Variants in TDRD3 observed in about 807,000 individuals in gnomAD.
The protein encoded by TDRD3 is tudor domain-containing protein 3.
A neutral mutation model predicts 86.7 loss-of-function variants in TDRD3; 45 were observed. The observed-to-expected ratio is 0.52, with a 90% CI of 0.41 to 0.67. The LOEUF (loss-of-function observed/expected upper bound fraction) is 0.67. Ranked by LOEUF, TDRD3 falls within the 30% of genes least tolerant of loss-of-function variation. TDRD3 has a pLI of 0.00. For synonymous variants in TDRD3, 298 were observed against 301.7 expected (o/e 0.99, Z 0.13); for missense variants, 814 against 889.0 (o/e 0.92, Z 1.07).
chr13:60,509,351 A>T (rs1957007223), intron 8 of TDRD3, among the ~76,000 whole-genome samples: 1 of 152,130 alleles, frequency 6.6e-6, no homozygotes, highest in Admixed American at 6.5e-5. Flanking sequence ...TGTTAGCTTC[A>T]ATAGTTTACA....
chr13:60,506,399 A>G (rs1167239536), intron 8 of TDRD3, among the ~76,000 whole-genome samples: 5 of 152,196 alleles, frequency 3.3e-5, no homozygotes, highest in Non-Finnish European at 7.3e-5. Flanking sequence ...AGCACTATAT[A>G]TGGAAAGGAG....
intron 1 of TDRD3, among the ~76,000 whole-genome samples, chr13:60,431,792 T>C (rs1297081897): frequency 6.7e-6 from 1 of 150,080 alleles, no homozygotes; most frequent in African/African-American, 2.4e-5. Context: ...AAATAATGCA[T>C]ATTAATAGAT....
intron 8 of TDRD3, among the ~76,000 whole-genome samples, chr13:60,502,900 C>T (rs1052825334): frequency 5.3e-5 from 8 of 152,138 alleles, no homozygotes; most frequent in Non-Finnish European, 7.4e-5. Context: ...AAAATGGATT[C>T]TTATTGAACT....
chr13:60,465,902 G>A (rs1055121913), intron 4 of TDRD3, among the ~76,000 whole-genome samples: 3 of 152,100 alleles, frequency 2.0e-5, no homozygotes, highest in Non-Finnish European at 2.9e-5. Context: ...ATGGGGTGGG[G>A]CTTGGTGTGT....
intron 13 of TDRD3, among the ~76,000 whole-genome samples, chr13:60,569,870 A>G (rs556441289): frequency 6.6e-6 from 1 of 152,336 alleles, no homozygotes; most frequent in Non-Finnish European, 1.5e-5. Flanking sequence ...ATATCCGTAT[A>G]TGGATGAATG....
At chr13:60,435,740 T>G (rs1023089873) in intron 1 of TDRD3, among the ~76,000 whole-genome samples, 1 of 152,178 alleles carries the variant, frequency 6.6e-6, no homozygotes, top group Non-Finnish European at 1.5e-5. Flanking sequence ...CGTGTGTGCA[T>G]GTGTCTTTTC....
At chr13:60,463,105 A>G (rs569308375) in intron 4 of TDRD3, among the ~76,000 whole-genome samples, 5 of 152,122 alleles carry the variant, frequency 3.3e-5, no homozygotes, top group Admixed American at 6.5e-5. Context: ...ACAAAAATCA[A>G]CCTAAATGTG....
chr13:60,406,451 T>G (rs975150158), intron 1 of TDRD3, among the ~76,000 whole-genome samples: 5 of 152,222 alleles, frequency 3.3e-5, no homozygotes, highest in African/African-American at 1.2e-4. Context: ...TTAAATTAAT[T>G]TCACCTGTTT....
At chr13:60,548,860 T>C (rs1373673823) in intron 12 of TDRD3, among the ~76,000 whole-genome samples, 3 of 152,150 alleles carry the variant, frequency 2.0e-5, no homozygotes, top group African/African-American at 7.2e-5. Flanking sequence ...TCATAACTTT[T>C]AAACCAGTAA....
chr13:60,454,042 G>C (rs947456232), intron 3 of TDRD3, among the ~76,000 whole-genome samples: 1 of 151,806 alleles, frequency 6.6e-6, no homozygotes, highest in Non-Finnish European at 1.5e-5. Context: ...AGGTATAAAG[G>C]TTTTATACAT....
intron 10 of TDRD3, among the ~76,000 whole-genome samples, chr13:60,527,093 C>A (rs1289367937): frequency 1.3e-5 from 2 of 152,172 alleles, no homozygotes; most frequent in Non-Finnish European, 1.5e-5. Flanking sequence ...CTTCAGCCTT[C>A]CAAAGTGCTT....
At chr13:60,557,293 G>C (rs981304017) in intron 12 of TDRD3, among the ~76,000 whole-genome samples, 3 of 151,796 alleles carry the variant, frequency 2.0e-5, no homozygotes, top group African/African-American at 7.3e-5. Flanking sequence ...TTGGCTGCCT[G>C]AGAAAGCCAG....
At chr13:60,533,111 G>T (rs1957621706) in intron 11 of TDRD3, among the ~76,000 whole-genome samples, 1 of 152,164 alleles carries the variant, frequency 6.6e-6, no homozygotes, top group African/African-American at 2.4e-5. Context: ...AGAGGGGAGA[G>T]ATAGGAAGGT....
At position 60,510,659 on chromosome 13, in the gene TDRD3, T is replaced by C; in HGVS notation, c.1045T>C (p.Ser349Pro). The stretch of plus-strand genomic sequence containing the variant: ...AGGAAAAGGCAGGGGGCGAATAAGA[T>C]CTGAAGATGAAGAGGACCTGGGAAA... The part of the protein sequence containing the change: ...GRGKGRGRIR[S>P]EDEEDLGNAR... The change falls in exon 10 of 14, where the codon TCT becomes CCT. Residue 349 changes from serine to proline, a missense_variant. Ser to Pro is a moderately conservative substitution (Grantham distance 74). Transcript: ENST00000377881. The C allele has an allele frequency of 6.2e-7, 1 of 1,604,486 alleles. No homozygotes were observed. Among genetic ancestry groups the C allele is most frequent in the Non-Finnish European group, 8.5e-7 (1 of 1,175,366 alleles).
At chr13:60,420,556 T>C in intron 1 of TDRD3, among the ~76,000 whole-genome samples, 1 of 152,154 alleles carries the variant, frequency 6.6e-6, no homozygotes, top group Admixed American at 6.5e-5. Context: ...AAGCATGGTA[T>C]TATTTTTATT....
intron 10 of TDRD3, among the ~76,000 whole-genome samples, chr13:60,526,857 T>C (rs947563870): frequency 1.3e-4 from 19 of 151,884 alleles, no homozygotes; most frequent in African/African-American, 3.1e-4. Flanking sequence ...TTCTTCGAGA[T>C]GGAGTCTTGC....
intron 5 of TDRD3, among the ~76,000 whole-genome samples, chr13:60,476,570 GT>G (rs199694530): frequency 2.4e-4 from 36 of 151,304 alleles, no homozygotes; most frequent in Admixed American, 1.7e-3. Context: ...TTTTAGAATA[GT>G]TTTTTTTTCT....
intron 1 of TDRD3, among the ~76,000 whole-genome samples, chr13:60,407,045 G>A (rs866129384): frequency 6.6e-6 from 1 of 152,142 alleles, no homozygotes; most frequent in African/African-American, 2.4e-5. Context: ...TGTAAGTATT[G>A]ATGGAAAAAC....
intron 3 of TDRD3, among the ~76,000 whole-genome samples, chr13:60,457,554 A>G (rs1955708179): frequency 6.6e-6 from 1 of 152,224 alleles, no homozygotes; most frequent in African/African-American, 2.4e-5. Context: ...GCTGAGGCCA[A>G]TATACAGTAT....
Sources: allele counts gnomAD v4.1 joint callset (sites outside exome capture counted in the v4.1 genomes callset), GRCh38; gene constraint gnomAD v4.1.1; transcripts MANE v1.5; gene names NCBI Gene and HGNC (gene_info 2026-07-23, HGNC 2026-07-21).